Variants in SLC12A9 observed in about 807,000 individuals in gnomAD.
The protein encoded by SLC12A9 is solute carrier family 12 member 9.
In SLC12A9, 55 loss-of-function variants were observed where a neutral mutation model predicts 66.0. That is an observed-to-expected ratio of 0.83 (90% CI 0.67 to 1.04). SLC12A9 has a LOEUF of 1.04. SLC12A9 is among the 50% of genes least tolerant of loss of function. SLC12A9 has a pLI of 0.00. For synonymous variants in SLC12A9, 577 were observed against 569.0 expected (o/e 1.01, Z -0.20); for missense variants, 1,061 against 1,241.9 (o/e 0.85, Z 2.19).
intron 13 of SLC12A9, among the ~76,000 whole-genome samples, chr7:100,863,526 G>A (rs2116645392): frequency 6.6e-6 from 1 of 152,330 alleles, no homozygotes; most frequent in Admixed American, 6.5e-5. Context: ...ACTATACACT[G>A]ATGTGGCCAG....
At chr7:100,848,800 C>A (rs553399780), upstream of SLC12A9, among the ~76,000 whole-genome samples, 1 of 151,596 alleles carries the variant, frequency 6.6e-6, no homozygotes, top group Non-Finnish European at 1.5e-5. Flanking sequence ...GCAGGAGAAT[C>A]GCTTCAACCT....
intron 1 of SLC12A9, among the ~76,000 whole-genome samples, chr7:100,846,108 C>A (rs557585334): frequency 1.3e-4 from 20 of 152,328 alleles, no homozygotes; most frequent in Non-Finnish European, 2.5e-4. Flanking sequence ...AAAACTGGCA[C>A]ATGTGCCTAG....
At chr7:100,853,577 T>A (rs1001517883) in intron 1 of SLC12A9, 3 of 139,518 alleles carry the variant, frequency 2.2e-5, no homozygotes. Context: ...TTTTTTTTTA[T>A]TGACACAGGG....
chr7:100,856,903 C>T lies in SLC12A9; in HGVS notation c.484C>T (p.Gln162Ter), dbSNP rs977163677. ...TGPSGLRVLPQGYGWNLLYGS... is the reference protein window; with the variant it reads ...TGPSGLRVLP The stretch of plus-strand genomic sequence containing the variant: ...GCCCAGTGGGCTCCGGGTCCTGCCC[C>T]AGGGCTACGGCTGGAACCTGCTGTA... The change falls in exon 5 of 14, where the codon CAG becomes TAG. Residue 162 changes from glutamine to a stop codon, truncating the protein, a stop_gained. Coordinates refer to ENST00000354161, the MANE Select transcript of SLC12A9 (RefSeq NM_020246.4). LOFTEE classifies it high-confidence loss of function. The T allele has an allele frequency of 4.4e-6, 7 of 1,608,616 alleles. No individual in the cohort carries two copies. The highest frequency in any genetic ancestry group is 1.7e-5 in the Admixed American group (1 of 59,978).
chr7:100,861,431 G>A lies in SLC12A9; in HGVS notation c.1383G>A (p.Leu461=), dbSNP rs145988358. 39 of 1,613,522 alleles carry A rather than the reference G, an allele frequency of 2.4e-5. No individual in the cohort carries two copies. Among genetic ancestry groups the A allele is most frequent in the Non-Finnish European group, 3.1e-5 (36 of 1,180,032 alleles). Residue 461 remains leucine, a synonymous_variant, in exon 11 of 14, where the codon CTG becomes CTA. Transcript: ENST00000354161. This position sits in a 1 kb window ranked among gnomAD's most constrained non-coding sequence, Gnocchi z 5.3. Reference sequence around the variant, plus strand: ...TGTTCTCCTGGCACACCTGCCTGCTGGGGGTGGCCTCCTGCCTGCTCATGA... The same window carrying A: ...TGTTCTCCTGGCACACCTGCCTGCTAGGGGTGGCCTCCTGCCTGCTCATGA... The part of the protein sequence containing the change: ...FSLFSWHTCL[L]GVASCLLMMF...
Position 100,866,246 on chromosome 7 carries a change from G to A in SLC12A9, c.2386G>A (p.Ala796Thr), listed in dbSNP as rs1395068256. Residue 796 changes from alanine (A) to threonine (T), a missense_variant, in exon 14 of 14, where the codon GCT becomes ACT. By Grantham distance (58) the Ala-to-Thr change is moderately conservative (BLOSUM62 0). Coordinates refer to ENST00000354161, the MANE Select transcript of SLC12A9 (RefSeq NM_020246.4). The surrounding 1 kb of genome is among the most constrained non-coding windows in gnomAD (Gnocchi z 7.3). ...RALLSQLRIRAEVQEVVWGEG... is the reference protein window; with the variant it reads ...RALLSQLRIRTEVQEVVWGEG... The stretch of plus-strand genomic sequence containing the variant: ...ACTGCTGAGCCAACTGAGGATCCGG[G>A]CTGAGGTGCAGGAGGTGGTGTGGGG... 6.3e-7 allele frequency: 1 copy of A among 1,598,624 alleles called. No individual in the cohort carries two copies. The highest frequency in any genetic ancestry group is 8.5e-7 in the Non-Finnish European group (1 of 1,172,846).
intron 1 of SLC12A9, among the ~76,000 whole-genome samples, chr7:100,845,237 A>T (rs1260518868): frequency 1.3e-5 from 2 of 150,556 alleles, no homozygotes; most frequent in Admixed American, 6.7e-5. Flanking sequence ...CCAGAATCCC[A>T]CCAGGACTGG....
chr7:100,859,768 A>T lies in SLC12A9; in HGVS notation c.978-117A>T, dbSNP rs985170006. 4.0e-6 allele frequency: 5 copies of T among 1,255,792 alleles called. No homozygotes were observed. The Admixed American group carries it at 6.8e-5, about 17-fold the overall frequency. 77.8% of individuals were successfully genotyped at this position (1,255,792 alleles called of 1,614,324 possible). On this transcript the variant is annotated intron_variant, in intron 7 of 13. Coordinates refer to ENST00000354161, the MANE Select transcript of SLC12A9 (RefSeq NM_020246.4). The stretch of plus-strand genomic sequence containing the variant: ...TTAAATCCAAGGCTGCCCAATGAAT[A>T]CCAGGCATATCCCTTTAGCACATTT...
chr7:100,833,882 C>G (rs959484894), intron 1 of SLC12A9, among the ~76,000 whole-genome samples: 167 of 133,440 alleles, frequency 1.3e-3, no homozygotes, highest in African/African-American at 4.5e-3. Context: ...GCAGTGAACC[C>G]AGATCACGCC....
chr7:100,845,894 A>C (rs1813900892), intron 1 of SLC12A9, among the ~76,000 whole-genome samples: 1 of 152,226 alleles, frequency 6.6e-6, no homozygotes, highest in Non-Finnish European at 1.5e-5. Flanking sequence ...GCTGTCTTAA[A>C]AATAATCACT....
chr7:100,866,387 G>T lies in SLC12A9; in HGVS notation c.2527G>T (p.Ala843Ser), dbSNP rs1272455613. 3 of 1,530,508 alleles carry T rather than the reference G, an allele frequency of 2.0e-6. No homozygotes were observed. The highest frequency in any genetic ancestry group is 1.8e-6 in the Non-Finnish European group (2 of 1,136,482). 94.8% of individuals were successfully genotyped at this position (1,530,508 alleles called of 1,614,324 possible). Residue 843 changes from alanine (A) to serine (S), a missense_variant, in exon 14 of 14, where the codon GCC (alanine) becomes TCC (serine). Physicochemically the swap from Ala to Ser is moderately conservative, Grantham distance 99. Coordinates refer to ENST00000354161, the MANE Select transcript of SLC12A9 (RefSeq NM_020246.4). The surrounding 1 kb of genome is among the most constrained non-coding windows in gnomAD (Gnocchi z 7.3). ...LARSANALVRAQQGRGTGGGP... is the reference protein window; with the variant it reads ...LARSANALVRSQQGRGTGGGP... Reference sequence around the variant, plus strand: ...ACGCAGCGCCAACGCCCTGGTTCGGGCCCAGCAGGGGCGCGGCACAGGAGG... The same window carrying T: ...ACGCAGCGCCAACGCCCTGGTTCGGTCCCAGCAGGGGCGCGGCACAGGAGG...
chr7:100,861,003 A>C lies in SLC12A9; in HGVS notation c.1219-135A>C, dbSNP rs779397836. 6.6e-7 allele frequency: 1 copy of C among 1,508,518 alleles called. No individual in the cohort carries two copies. Among genetic ancestry groups the C allele is most frequent in the East Asian group, 2.3e-5 (1 of 44,236 alleles). 93.4% of individuals were successfully genotyped at this position (1,508,518 alleles called of 1,614,324 possible). On this transcript the variant is annotated intron_variant, in intron 9 of 13. Coordinates refer to ENST00000354161, the MANE Select transcript of SLC12A9 (RefSeq NM_020246.4). The surrounding 1 kb of genome is among the most constrained non-coding windows in gnomAD (Gnocchi z 5.3). ...ATTGACACTTTGGGGGTGCACTGGCACTTTGCAGGGTTCACTGGCACTTTC... is the reference window on the plus strand; with the variant it reads ...ATTGACACTTTGGGGGTGCACTGGCCCTTTGCAGGGTTCACTGGCACTTTC...
intron 4 of SLC12A9, 69 bp from the exon 5 acceptor site, chr7:100,856,799 G>T: frequency 7.0e-7 from 1 of 1,431,392 alleles, no homozygotes; most frequent in Non-Finnish European, 9.4e-7. Flanking sequence ...GATGTGAGCC[G>T]CCCACCATGC....
chr7:100,830,340 G>A (rs144463897), intron 1 of SLC12A9, among the ~76,000 whole-genome samples: 13,628 of 152,074 alleles, frequency 0.09, 671 homozygotes, highest in African/African-American at 0.13. Context: ...GCAACAGAGT[G>A]AAACTCTGTC....
upstream of SLC12A9, among the ~76,000 whole-genome samples, chr7:100,849,252 A>G (rs990359724): frequency 2.0e-5 from 3 of 151,574 alleles, no homozygotes; most frequent in African/African-American, 7.3e-5. Context: ...ACCTAGCTTA[A>G]ATGTCTTTTT....
chr7:100,843,421 A>G (rs1813828971), intron 1 of SLC12A9, among the ~76,000 whole-genome samples: 1 of 152,226 alleles, frequency 6.6e-6, no homozygotes, highest in South Asian at 2.1e-4. Flanking sequence ...AACAGCAATG[A>G]GCTTTTCATG....
At chr7:100,836,341 C>T (rs1012967212) in intron 1 of SLC12A9, among the ~76,000 whole-genome samples, 18 of 152,036 alleles carry the variant, frequency 1.2e-4, no homozygotes, top group Admixed American at 9.8e-4. Context: ...CGGGTGGGGC[C>T]GGCACCGAGG....
At chr7:100,837,904 A>C (rs1245182485) in intron 1 of SLC12A9, among the ~76,000 whole-genome samples, 1 of 123,156 alleles carries the variant, frequency 8.1e-6, no homozygotes, top group African/African-American at 3.3e-5. Context: ...TCTGTTGCCC[A>C]GGCTGGAGTG....
At chr7:100,858,188 G>C (rs1034958436) in intron 5 of SLC12A9, 5 of 151,920 alleles carry the variant, frequency 3.3e-5, no homozygotes, top group Non-Finnish European at 5.9e-5. Flanking sequence ...GAGGCGGGTG[G>C]ATCACCTGAG....
Sources: gnomAD v4.1 joint callset for allele counts (sites outside exome capture counted in the v4.1 genomes callset) on GRCh38, gnomAD v4.1.1 for gene constraint, Gnocchi (gnomAD v3.1) non-coding constraint, MANE v1.5 for transcripts, NCBI Gene and HGNC (gene_info 2026-07-23, HGNC 2026-07-21) for gene names.